Variants in INPP5B observed in about 807,000 individuals in gnomAD.
INPP5B encodes type II inositol 1,4,5-trisphosphate 5-phosphatase.
Under a neutral mutation model 118.5 loss-of-function variants are expected in INPP5B, and 90 were observed. The observed-to-expected ratio is 0.76, with a 90% confidence interval of 0.64 to 0.90. The LOEUF (loss-of-function observed/expected upper bound fraction) is 0.90, where lower values mean the gene tolerates loss of function less well. INPP5B is among the 40% of genes least tolerant of loss of function. The pLI, the probability that INPP5B is intolerant of heterozygous loss-of-function variation, is 0.00. For synonymous variants in INPP5B, 385 were observed against 418.9 expected (o/e 0.92, Z 0.99); for missense variants, 984 against 1,125.6 (o/e 0.87, Z 1.80).
At chr1:37,920,902 C>T (rs908821031) in intron 7 of INPP5B, among the ~76,000 whole-genome samples, 1 of 151,996 alleles carries the variant, frequency 6.6e-6, no homozygotes, top group Non-Finnish European at 1.5e-5. Flanking sequence ...GTCAGGAGAT[C>T]GAGACCATCC....
chr1:37,931,574 C>T lies in INPP5B; in HGVS notation c.532+339G>A, dbSNP rs1189787746. The T allele has an allele frequency of 2.5e-5, 38 of 1,537,976 alleles. No individual in the cohort carries two copies. The Middle Eastern group carries it at 6.7e-4, about 27-fold the overall frequency. ...CCAGGACTTTGGTCTTCGCCCCGAG[C>T]GTCCACTGGCCAAACCGCCGACCCT... is the stretch of plus-strand genomic sequence containing the variant. On this transcript the variant is annotated intron_variant, in intron 7 of 23. Transcript: ENST00000373024.
intron 7 of INPP5B, among the ~76,000 whole-genome samples, chr1:37,916,325 C>A (rs2148617584): frequency 6.6e-6 from 1 of 152,044 alleles, no homozygotes; most frequent in East Asian, 1.9e-4. Flanking sequence ...AACTCCTGAC[C>A]TCAAGTGATC....
chr1:37,870,229 C>A (rs1642329333), intron 19 of INPP5B, among the ~76,000 whole-genome samples: 1 of 151,968 alleles, frequency 6.6e-6, no homozygotes, highest in African/African-American at 2.4e-5. Context: ...CCCACCTTGG[C>A]TTCCCAAGTA....
rs940735985 is a variant in INPP5B, at chr1:37,932,148, C to T, written c.392-95G>A. The T allele has an allele frequency of 7.7e-6, 9 of 1,172,798 alleles. No homozygotes were observed. In the African/African-American group the frequency reaches 1.3e-4, roughly 17 times the overall value. 72.6% of individuals were successfully genotyped at this position (1,172,798 alleles called of 1,614,324 possible). On this transcript the variant is annotated intron_variant, in intron 6 of 23. Transcript: ENST00000373024. ...CCCAAGAGACTCCGGCCCTGTTTCT[C>T]CCGCGCACAGAAGGGTTCTGTGCGC...
intron 7 of INPP5B, among the ~76,000 whole-genome samples, chr1:37,898,830 T>C (rs760560115): frequency 2.0e-5 from 3 of 152,000 alleles, no homozygotes; most frequent in Non-Finnish European, 4.4e-5. Context: ...ACCACCTCAT[T>C]GAAGGGAGTA....
chr1:37,894,561 C>CTT (rs759895009), intron 7 of INPP5B, among the ~76,000 whole-genome samples: 187 of 139,010 alleles, frequency 1.3e-3, no homozygotes, highest in African/African-American at 3.5e-3. Context: ...TTTCTTTTTT[C>CTT]TTTTTTTTTT....
At position 37,889,659 on chromosome 1, in the gene INPP5B, T is replaced by C; in HGVS notation, c.695A>G (p.Lys232Arg). The change falls in exon 9 of 24, where the codon AAG becomes AGG. Residue 232 changes from lysine to arginine, a missense_variant. Lys to Arg is a conservative substitution (Grantham distance 26). Transcript: ENST00000373024. ...CTTCTGCATGGATAAAATATGAGCC[T>C]TGTCCGACACTGTGATAGTGGAGGA... ...VRSSTITVSD[K>R]AHILSMQKFG... is the part of the protein sequence containing the mutation. 6.2e-7 allele frequency: 1 copy of C among 1,613,914 alleles called. No homozygotes were observed. Among genetic ancestry groups the C allele is most frequent in the Non-Finnish European group, 8.5e-7 (1 of 1,179,806 alleles).
At position 37,874,169 on chromosome 1, in the gene INPP5B, C is replaced by A; in HGVS notation, c.1789-14G>T. 1 of 1,543,244 alleles carries A rather than the reference C, an allele frequency of 6.5e-7. No individual in the cohort carries two copies. Among genetic ancestry groups the A allele is most frequent in the Non-Finnish European group, 8.9e-7 (1 of 1,129,774 alleles). On this transcript the variant is annotated splice_polypyrimidine_tract_variant and intron_variant, in intron 17 of 23. Transcript: ENST00000373024. ...CTGAAAACAGAACTGGGAAGAAGCC[C>A]GGGGCCAGTGAAAACCAGTGCCCTT... is the stretch of plus-strand genomic sequence containing the variant.
intron 7 of INPP5B, among the ~76,000 whole-genome samples, chr1:37,922,411 C>T (rs954356377): frequency 4.6e-5 from 7 of 150,854 alleles, no homozygotes; most frequent in African/African-American, 1.2e-4. Flanking sequence ...AGCTGGGCTC[C>T]GTTTCAAAAA....
intron 16 of INPP5B, 136 bp from the exon 17 acceptor site, chr1:37,875,852 T>G (rs1207649186): frequency 8.0e-6 from 5 of 621,644 alleles, no homozygotes; most frequent in African/African-American, 3.7e-5. Context: ...TTTAGTTAAT[T>G]AATGAACTCC....
At chr1:37,896,180 T>C (rs1644048512) in intron 7 of INPP5B, among the ~76,000 whole-genome samples, 1 of 148,340 alleles carries the variant, frequency 6.7e-6, no homozygotes, top group African/African-American at 2.5e-5. Flanking sequence ...GTCCGGGATG[T>C]GAGGAGCGTC....
intron 13 of INPP5B, chr1:37,883,253 C>CA: frequency 1.0e-6 from 1 of 985,432 alleles, no homozygotes; most frequent in Non-Finnish European, 1.2e-6. Flanking sequence ...AATTGAGAGT[C>CA]ACGCCAATCA....
chr1:37,875,925 TG>T (rs1258222690), intron 16 of INPP5B, among the ~76,000 whole-genome samples: 4 of 152,182 alleles, frequency 2.6e-5, no homozygotes, highest in African/African-American at 9.6e-5. Context: ...ATCTGCTTCC[TG>T]ATTACCAGAA....
At chr1:37,882,060 C>G (rs1643233889) in intron 14 of INPP5B, among the ~76,000 whole-genome samples, 1 of 150,996 alleles carries the variant, frequency 6.6e-6, no homozygotes, top group South Asian at 2.1e-4. Context: ...GGTCACAACA[C>G]TGCACTCCAG....
rs749524357 is a variant in INPP5B, at chr1:37,931,907, A to G, written c.532+6T>C. On this transcript the variant is annotated splice_donor_region_variant and intron_variant, in intron 7 of 23. Transcript: ENST00000373024. The stretch of plus-strand genomic sequence containing the variant: ...CCCCACCGTTTCTTCCGGGACGGAT[A>G]CCTGCCTCCGCCAATTGTCGCGTAC... The G allele has an allele frequency of 3.1e-6, 5 of 1,613,774 alleles. No individual in the cohort carries two copies. Among genetic ancestry groups the G allele is most frequent in the Non-Finnish European group, 4.2e-6 (5 of 1,180,028 alleles).
chr1:37,935,115 G>A (rs575605406), intron 6 of INPP5B, among the ~76,000 whole-genome samples: 5 of 148,480 alleles, frequency 3.4e-5, no homozygotes, highest in African/African-American at 1.2e-4. Flanking sequence ...GTGGGAGAAT[G>A]GCGTGAACCC....
chr1:37,865,501 G>A (rs1641973510), intron 22 of INPP5B, among the ~76,000 whole-genome samples: 1 of 152,166 alleles, frequency 6.6e-6, no homozygotes, highest in Admixed American at 6.5e-5. Flanking sequence ...GAGAGGATGG[G>A]TGATAGATCA....
At chr1:37,866,844 GAGGGATTACCC>G (rs1017464281) in intron 20 of INPP5B, among the ~76,000 whole-genome samples, 12 of 152,218 alleles carry the variant, frequency 7.9e-5, no homozygotes, top group African/African-American at 2.2e-4. Context: ...CAGTGGTATA[GAGGGATTACCC>G]AGGGGAAAAA....
At chr1:37,928,507 C>T (rs1472545326) in intron 7 of INPP5B, 16 of 152,292 alleles carry the variant, frequency 1.1e-4, no homozygotes, top group African/African-American at 3.4e-4. Flanking sequence ...TATAAGCGCA[C>T]ACTACCATGC....
Sources: gnomAD v4.1 joint callset for allele counts (sites outside exome capture counted in the v4.1 genomes callset) on GRCh38, gnomAD v4.1.1 for gene constraint, MANE v1.5 for transcripts, NCBI Gene and HGNC (gene_info 2026-07-23, HGNC 2026-07-21) for gene names.